Variants in MCTP1 observed in about 807,000 individuals in gnomAD.
MCTP1 encodes multiple C2 and transmembrane domain-containing protein 1.
Under a neutral mutation model 120.6 loss-of-function variants are expected in MCTP1, and 69 were observed. The ratio of observed to expected loss-of-function variants is 0.57; its 90% CI spans 0.47 to 0.70. MCTP1 has a LOEUF of 0.70. Among genes scored for constraint, MCTP1 ranks in the 30% least tolerant of loss-of-function variants. The pLI is 0.00. For missense variants in MCTP1, 1,203 were observed against 1,248.8 expected (o/e 0.96, Z 0.55); for synonymous variants, 529 against 493.1 (o/e 1.07, Z -0.96).
rs373444878 is a variant in MCTP1 at position 95,144,500 on chromosome 5, T to C, written c.721-127016A>G. On this transcript the variant is annotated intron_variant, in intron 1 of 22. Coordinates refer to ENST00000515393, the MANE Select transcript of MCTP1 (RefSeq NM_024717.7). ...TTTCCAAAGCCAGTGTTAAGAAGAG[T>C]ATTTTCGGCTTTGTTTTTTACAGTT... Among the ~76,000 whole-genome samples, 70 of 152,094 alleles carry C rather than the reference T, an allele frequency of 4.6e-4. No homozygotes were observed. The South Asian group carries it at 0.014, about 31-fold the overall frequency.
At chr5:94,763,151 A>G (rs746873100) in intron 19 of MCTP1, among the ~76,000 whole-genome samples, 45 of 152,154 alleles carry the variant, frequency 3.0e-4, no homozygotes, top group Non-Finnish European at 5.7e-4. Context: ...GCTATTGTAA[A>G]ACATCCTAGC....
intron 1 of MCTP1, among the ~76,000 whole-genome samples, chr5:95,072,740 A>ATTTTTTTT (rs11421165): frequency 9.0e-4 from 86 of 95,222 alleles, no homozygotes; most frequent in Middle Eastern, 9.3e-3. Flanking sequence ...CTTAGCAACT[A>ATTTTTTTT]TTTTTTTTTT....
chr5:94,737,710 C>T (rs1198905563), intron 19 of MCTP1, among the ~76,000 whole-genome samples: 1 of 151,892 alleles, frequency 6.6e-6, no homozygotes, highest in Non-Finnish European at 1.5e-5. Flanking sequence ...GAATCTCACT[C>T]TGTAGCTCAA....
intron 1 of MCTP1, among the ~76,000 whole-genome samples, chr5:95,131,629 A>T (rs772450774): frequency 6.6e-5 from 10 of 152,064 alleles, no homozygotes; most frequent in Non-Finnish European, 1.0e-4. Flanking sequence ...TATACTTCTA[A>T]CATAATTTAT....
chr5:95,140,693 T>TAAAAAAAAAAAA (rs35248317), intron 1 of MCTP1, among the ~76,000 whole-genome samples: 3 of 27,596 alleles, frequency 1.1e-4, no homozygotes, highest in African/African-American at 3.1e-4. Flanking sequence ...CTGTCCCTAC[T>TAAAAAAAAAAAA]AAAAAAAAAA....
chr5:95,122,086 A>C (rs1259645632), intron 1 of MCTP1, among the ~76,000 whole-genome samples: 1 of 152,184 alleles, frequency 6.6e-6, no homozygotes, highest in African/African-American at 2.4e-5. Context: ...CACTGGATTG[A>C]GCAAAGATCG....
At chr5:94,877,643 C>G (rs971002689) in intron 12 of MCTP1, 1 of 152,102 alleles carries the variant, frequency 6.6e-6, no homozygotes, top group African/African-American at 2.4e-5. Flanking sequence ...CTAATTCTCT[C>G]TCACTCTTAG....
chr5:95,111,414 A>ATCTG (rs1189977318), intron 1 of MCTP1, among the ~76,000 whole-genome samples: 4 of 152,192 alleles, frequency 2.6e-5, no homozygotes, highest in African/African-American at 9.6e-5. Flanking sequence ...ATAAGTACAG[A>ATCTG]GTCTCACAAA....
intron 19 of MCTP1, among the ~76,000 whole-genome samples, chr5:94,733,963 GA>G (rs34669127): frequency 7.0e-4 from 94 of 134,272 alleles, no homozygotes; most frequent in Non-Finnish European, 8.2e-4. Context: ...GACTCTGTCT[GA>G]AAAAAAAAAA....
chr5:95,268,004 G>A (rs1272818196), intron 1 of MCTP1, among the ~76,000 whole-genome samples: 2 of 152,304 alleles, frequency 1.3e-5, no homozygotes, highest in East Asian at 3.9e-4. Flanking sequence ...ATTTTCATTC[G>A]ATCCTAAATG....
intron 1 of MCTP1, among the ~76,000 whole-genome samples, chr5:95,167,080 T>A (rs162478): frequency 6.6e-6 from 1 of 151,780 alleles, no homozygotes; most frequent in Non-Finnish European, 1.5e-5. Context: ...CTGCACCCTA[T>A]GACAGGCCCC....
chr5:94,742,694 A>G (rs1765795580), intron 19 of MCTP1, among the ~76,000 whole-genome samples: 1 of 151,928 alleles, frequency 6.6e-6, no homozygotes, highest in Non-Finnish European at 1.5e-5. Context: ...TTAACATTAC[A>G]TTTTTAACTG....
chr5:95,186,212 T>C (rs1749188449), intron 1 of MCTP1, among the ~76,000 whole-genome samples: 1 of 150,820 alleles, frequency 6.6e-6, no homozygotes, highest in Non-Finnish European at 1.5e-5. Flanking sequence ...AACCCATCTC[T>C]ATTTGCAGAT....
chr5:94,952,195 C>CAAAAAAAAAAAAA (rs1554149863), intron 3 of MCTP1, among the ~76,000 whole-genome samples: 1 of 72,998 alleles, frequency 1.4e-5, no homozygotes. Flanking sequence ...AAAAAAAAAG[C>CAAAAAAAAAAAAA]TATTGAATTG....
chr5:95,013,677 T>C (rs1056068586), intron 2 of MCTP1, among the ~76,000 whole-genome samples: 3 of 152,134 alleles, frequency 2.0e-5, no homozygotes, highest in South Asian at 2.1e-4. Flanking sequence ...TTGTGACTTA[T>C]GGCTCAGAAG....
At chr5:94,881,524 C>G (rs1800077973) in intron 12 of MCTP1, among the ~76,000 whole-genome samples, 1 of 152,102 alleles carries the variant, frequency 6.6e-6, no homozygotes, top group South Asian at 2.1e-4. Flanking sequence ...TCAAGTTCTT[C>G]TTTTCTCCAG....
chr5:95,201,406 A>G (rs190918245), intron 1 of MCTP1, among the ~76,000 whole-genome samples: 107 of 148,204 alleles, frequency 7.2e-4, no homozygotes, highest in African/African-American at 2.6e-3. Context: ...AAATTTAAAA[A>G]TTATAGGGAT....
At chr5:95,073,422 A>T (rs72779421) in intron 1 of MCTP1, among the ~76,000 whole-genome samples, 8,253 of 152,176 alleles carry the variant, frequency 0.054, 232 homozygotes, top group Middle Eastern at 0.078. Flanking sequence ...CTCTCCCTCG[A>T]CACTGTCCCC....
chr5:94,798,949 GA>G, intron 18 of MCTP1, 63 bp downstream of exon 18: 4 of 1,530,736 alleles, frequency 2.6e-6, no homozygotes, highest in Middle Eastern at 3.5e-4. Context: ...ATTCAATGTT[GA>G]TCTTGTCAGA....
Sources: gnomAD v4.1 joint callset for allele counts (sites outside exome capture counted in the v4.1 genomes callset) on GRCh38, gnomAD v4.1.1 for gene constraint, MANE v1.5 for transcripts, NCBI Gene and HGNC (gene_info 2026-07-23, HGNC 2026-07-21) for gene names.